The following ABCA10 variants were observed in gnomAD, a reference collection of about 807,000 sequenced individuals.
ABCA10 encodes the protein ATP-binding cassette sub-family A member 10.
Under a neutral mutation model 187.5 loss-of-function variants are expected in ABCA10, and 169 were observed. That is an observed-to-expected ratio of 0.90 (90% CI 0.80 to 1.02). ABCA10 has a LOEUF of 1.02. Among genes scored for constraint, ABCA10 ranks in the 50% least tolerant of loss-of-function variants. The pLI, the probability that ABCA10 is intolerant of heterozygous loss-of-function variation, is 0.00. For missense variants in ABCA10, 1,727 were observed against 1,812.4 expected, an observed-to-expected ratio of 0.95 and a Z score of 0.86; for synonymous variants, 574 against 601.8, an observed-to-expected ratio of 0.95 and a Z score of 0.68.
Position 69,220,243 on chromosome 17 carries a change from G to A in ABCA10, c.304-472C>T, listed in dbSNP as rs572901144. On this transcript the variant is annotated intron_variant, in intron 5 of 38. Transcript: ENST00000690296. ...CTTTCCTAAACAAAGATTGGGGGAG[G>A]GGGGGTGGTTGAGGATGGAGAAGAA... Among the ~76,000 whole-genome samples the A allele has an allele frequency of 4.6e-5, 7 of 152,130 alleles. No individual in the cohort carries two copies. In the South Asian group the frequency reaches 1.2e-3, roughly 27 times the overall value.
intron 9 of ABCA10, among the ~76,000 whole-genome samples, chr17:69,214,296 ACGAGGTCAGGAGAT>A (rs1274876123): frequency 1.3e-5 from 2 of 152,128 alleles, no homozygotes; most frequent in Non-Finnish European, 1.5e-5. Flanking sequence ...CGGGCGGATC[ACGAGGTCAGGAGAT>A]CGAGACCATC....
At chr17:69,202,998 G>C (rs2074559580) in intron 9 of ABCA10, among the ~76,000 whole-genome samples, 2 of 152,092 alleles carry the variant, frequency 1.3e-5, no homozygotes, top group African/African-American at 4.8e-5. Flanking sequence ...ATAATGTAGG[G>C]GGATGGAGCT....
At chr17:69,183,774 G>A (rs1387476298) in intron 20 of ABCA10, among the ~76,000 whole-genome samples, 1 of 152,134 alleles carries the variant, frequency 6.6e-6, no homozygotes, top group Non-Finnish European at 1.5e-5. Context: ...GCTGCCAGTG[G>A]AATTGGGGAA....
At position 69,219,565 on chromosome 17, in the gene ABCA10, AC is replaced by A. The variant is rs1165377113; in HGVS notation, c.509del (p.Gly170ValfsTer13). On this transcript the variant is annotated frameshift_variant, in exon 6 of 39. Transcript: ENST00000690296. LOFTEE classifies it high-confidence loss of function. Reference protein sequence around the residue: ...GKFKKLMTVMGLRESAFWLSW... With the variant: ...GKFKKLMTVMXLRESAFWLSW... Reference sequence around the variant, plus strand: ...CTTACCAGAATGCTGACTCTCGGAGACCCATCACTGTCATCAGTTTCTTAAA... The same window carrying A: ...CTTACCAGAATGCTGACTCTCGGAGACCATCACTGTCATCAGTTTCTTAAA... 17 of 1,595,722 alleles carry A rather than the reference AC, an allele frequency of 1.1e-5. No homozygotes were observed. The highest frequency in any genetic ancestry group is 1.3e-5 in the Non-Finnish European group (15 of 1,171,462).
chr17:69,156,841 G>A lies in ABCA10; in HGVS notation c.3446C>T (p.Pro1149Leu). ...KYGNEIMNKD[P>L]VFRISPRSRE... ...TTAATATTTTCCCAACCTGAAAACT[G>A]GGTCTTTATTCATTATTTCATTTCC... is the stretch of plus-strand genomic sequence containing the variant. The change falls in exon 28 of 39, where the codon CCA becomes CTA. Residue 1149 changes from proline to leucine, a missense_variant. Physicochemically the swap from Pro to Leu is moderately conservative, Grantham distance 98. Coordinates refer to ENST00000690296, the MANE Select transcript of ABCA10 (RefSeq NM_001377321.1). 1.3e-6 allele frequency: 2 copies of A among 1,560,586 alleles called. No homozygotes were observed. The highest frequency in any genetic ancestry group is 1.2e-5 in the South Asian group (1 of 83,474).
rs777696546 is a variant in ABCA10 at position 69,185,467 on chromosome 17, C to T, written c.2497+10G>A. On this transcript the variant is annotated intron_variant, in intron 20 of 38. Transcript: ENST00000690296. Reference sequence around the variant, plus strand: ...AAAAACTCACACTAAATTTCAGCCCCATTTCTCACCTGTATTATTAACGAT... The same window carrying T: ...AAAAACTCACACTAAATTTCAGCCCTATTTCTCACCTGTATTATTAACGAT... 1 of 1,597,958 alleles carries T rather than the reference C, an allele frequency of 6.3e-7. No individual in the cohort carries two copies. Among genetic ancestry groups the T allele is most frequent in the East Asian group, 2.2e-5 (1 of 44,670 alleles).
intron 27 of ABCA10, among the ~76,000 whole-genome samples, chr17:69,160,383 T>G (rs1191418293): frequency 6.6e-6 from 1 of 151,844 alleles, no homozygotes; most frequent in Non-Finnish European, 1.5e-5. Flanking sequence ...CTGAGGCAGG[T>G]GAATCATGAG....
intron 22 of ABCA10, among the ~76,000 whole-genome samples, chr17:69,179,367 T>C (rs2074361501): frequency 6.6e-6 from 1 of 152,164 alleles, no homozygotes; most frequent in Admixed American, 6.5e-5. Flanking sequence ...GTAATAATCT[T>C]AGTAAGCAGA....
intron 1 of ABCA10, among the ~76,000 whole-genome samples, chr17:69,238,672 T>C (rs2074886644): frequency 6.6e-6 from 1 of 152,210 alleles, no homozygotes; most frequent in South Asian, 2.1e-4. Context: ...TTCTCCAGTA[T>C]ATAATTACCT....
chr17:69,188,019 TA>T (rs1204045406), intron 18 of ABCA10, 140 bp from the exon 19 acceptor site: 1 of 736,606 alleles, frequency 1.4e-6, no homozygotes, highest in African/African-American at 1.8e-5. Flanking sequence ...AAATTTACGT[TA>T]AAAATCTTTC....
intron 11 of ABCA10, among the ~76,000 whole-genome samples, chr17:69,195,369 TTTA>T (rs2074490260): frequency 6.6e-6 from 1 of 151,796 alleles, no homozygotes; most frequent in Non-Finnish European, 1.5e-5. Context: ...GAAAAAATAT[TTTA>T]TATATAAATG....
intron 19 of ABCA10, among the ~76,000 whole-genome samples, chr17:69,186,551 CCA>C (rs1344218314): frequency 6.6e-6 from 1 of 152,182 alleles, no homozygotes. Flanking sequence ...CTACTCCGCT[CCA>C]CAGTCAAGCA....
At chr17:69,220,874 C>G (rs1412416040) in intron 5 of ABCA10, among the ~76,000 whole-genome samples, 2 of 152,196 alleles carry the variant, frequency 1.3e-5, no homozygotes, top group Non-Finnish European at 2.9e-5. Context: ...TTTCATACTA[C>G]AACAGCAGAG....
In ABCA10 at chr17:69,148,915, T is replaced by C. The variant is rs2074107863; in HGVS notation, c.4544A>G (p.Glu1515Gly). The change falls in exon 39 of 39, where the codon GAA (glutamate) becomes GGA (glycine). Residue 1515 changes from glutamate to glycine, a missense_variant. By Grantham distance (98) the Glu-to-Gly change is moderately conservative. Transcript: ENST00000690296. ...SQATLEQVFL[E>G]LCKEQELGNV... The stretch of plus-strand genomic sequence containing the variant: ...TCCCAGCTCCTGCTCTTTACAGAGT[T>C]CTAAGAATACCTAAGTAAGAGAAAA... The C allele has an allele frequency of 1.9e-6, 3 of 1,613,662 alleles. No individual in the cohort carries two copies. Among genetic ancestry groups the C allele is most frequent in the Non-Finnish European group, 2.5e-6 (3 of 1,179,734 alleles).
At chr17:69,227,797 C>T (rs1432539114) in intron 1 of ABCA10, among the ~76,000 whole-genome samples, 2 of 151,890 alleles carry the variant, frequency 1.3e-5, no homozygotes, top group African/African-American at 2.4e-5. Context: ...GAAAACATTA[C>T]GGCCATTCTT....
chr17:69,175,572 A>G (rs2074328701), intron 22 of ABCA10, 59 bp from the exon 23 acceptor site: 4 of 1,304,060 alleles, frequency 3.1e-6, no homozygotes, highest in East Asian at 2.5e-5. Context: ...TACAAACATT[A>G]TAAGATACGT....
intron 25 of ABCA10, among the ~76,000 whole-genome samples, chr17:69,167,971 A>T (rs2074266739): frequency 1.3e-5 from 2 of 152,040 alleles, no homozygotes; most frequent in Non-Finnish European, 2.9e-5. Context: ...CACCCCTAAG[A>T]CAGCAAGACC....
chr17:69,171,029 T>C (rs1440337869), intron 25 of ABCA10, among the ~76,000 whole-genome samples: 3 of 152,222 alleles, frequency 2.0e-5, no homozygotes, highest in African/African-American at 7.2e-5. Context: ...GATTCTACAC[T>C]GCATGTCTCA....
chr17:69,219,196 T>G (rs1038841058), intron 6 of ABCA10, among the ~76,000 whole-genome samples: 2 of 152,124 alleles, frequency 1.3e-5, no homozygotes, highest in Admixed American at 1.3e-4. Flanking sequence ...ACCTGTACCT[T>G]GAATCCAAGC....
Sources: allele counts gnomAD v4.1 joint callset (sites outside exome capture counted in the v4.1 genomes callset), GRCh38; gene constraint gnomAD v4.1.1; transcripts MANE v1.5; gene names NCBI Gene and HGNC (gene_info 2026-07-23, HGNC 2026-07-21).